SV2B: variants seen among roughly 807,000 people sequenced by gnomAD.
SV2B encodes synaptic vesicle glycoprotein 2B.
Under a neutral mutation model 73.9 loss-of-function variants are expected in SV2B, and 41 were observed. That is an observed-to-expected ratio of 0.56 (90% CI 0.43 to 0.72). The LOEUF is 0.72. Among genes scored for constraint, SV2B ranks in the 30% least tolerant of loss-of-function variants. SV2B has a pLI of 0.00. For synonymous variants in SV2B, 314 were observed against 314.2 expected, an observed-to-expected ratio of 1.00 and a Z score of 0.01; for missense variants, 764 against 857.8, an observed-to-expected ratio of 0.89 and a Z score of 1.37.
In SV2B at chr15:91,258,540, A is replaced by G. The variant is rs745467646; in HGVS notation, c.904A>G (p.Arg302Gly). 2.5e-6 allele frequency: 4 copies of G among 1,613,912 alleles called. No homozygotes were observed. Among genetic ancestry groups the G allele is most frequent in the South Asian group, 1.1e-5 (1 of 91,062 alleles). ...CCTGAAGTTCATGCCAGAGAGCCCA[A>G]GGTTTCTGCTAGAGGTGAGTCAGTG... The part of the protein sequence containing the change: ...VALKFMPESP[R>G]FLLEMGKHDE... The change falls in exon 5 of 13, where the codon AGG (arginine) becomes GGG (glycine). Residue 302 changes from arginine (R) to glycine (G), a missense_variant. Coordinates refer to ENST00000394232, the MANE Select transcript of SV2B (RefSeq NM_001323032.3). This position sits in a 1 kb window ranked among gnomAD's most constrained non-coding sequence, Gnocchi z 4.7.
chr15:91,164,588 C>T (rs1350779845), intron 1 of SV2B, among the ~76,000 whole-genome samples: 6 of 152,160 alleles, frequency 3.9e-5, no homozygotes, highest in Non-Finnish European at 5.9e-5. Flanking sequence ...TTTACATTAA[C>T]ATCTGGATTC....
chr15:91,297,661 A>G lies in SV2B; in HGVS notation c.*5109A>G, dbSNP rs942589646. 6 of 152,218 alleles carry G rather than the reference A, an allele frequency of 3.9e-5. No homozygotes were observed. Among genetic ancestry groups the G allele is most frequent in the African/African-American group, 1.4e-4 (6 of 41,454 alleles). 9.4% of individuals were successfully genotyped at this position (152,218 alleles called of 1,614,324 possible). On this transcript the variant is annotated 3_prime_UTR_variant, in exon 13 of 13. Coordinates refer to ENST00000394232, the MANE Select transcript of SV2B (RefSeq NM_001323032.3). The surrounding 1 kb of genome is among the most constrained non-coding windows in gnomAD (Gnocchi z 5.1). The stretch of plus-strand genomic sequence containing the variant: ...TACTTTGACTTGTCAGGGAAGTTCT[A>G]TTGCTCTGATAACTTAAAACCAACC...
At chr15:91,259,551 G>A (rs557057743) in intron 5 of SV2B, among the ~76,000 whole-genome samples, 27 of 152,296 alleles carry the variant, frequency 1.8e-4, no homozygotes, top group African/African-American at 6.5e-4. Context: ...GCCACAAACC[G>A]AGTGACTTAA....
In SV2B at chr15:91,240,964, C is replaced by T. The variant is rs1203053825; in HGVS notation, c.452-10855C>T. On this transcript the variant is annotated intron_variant, in intron 2 of 12. Coordinates refer to ENST00000394232, the MANE Select transcript of SV2B (RefSeq NM_001323032.3). The surrounding 1 kb of genome is among the most constrained non-coding windows in gnomAD (Gnocchi z 4.6). Reference sequence around the variant, plus strand: ...TCTCCTCACTAAAAGATCTCATATTCGAATCTCTTGTCATCAGAGAGCATC... The same window carrying T: ...TCTCCTCACTAAAAGATCTCATATTTGAATCTCTTGTCATCAGAGAGCATC... 2.0e-5 allele frequency among the ~76,000 whole-genome samples: 3 copies of T among 152,108 alleles called. No individual in the cohort carries two copies. Among genetic ancestry groups the T allele is most frequent in the Non-Finnish European group, 4.4e-5 (3 of 68,028 alleles).
intron 1 of SV2B, among the ~76,000 whole-genome samples, chr15:91,209,107 GTTTTTTGT>G (rs1319572346): frequency 2.2e-4 from 27 of 121,966 alleles, no homozygotes; most frequent in African/African-American, 8.4e-4. Flanking sequence ...TGGCAGTACT[GTTTTTTGT>G]TTTTTTTTTT....
rs568212756 is a variant in SV2B, at chr15:91,199,885, G to A, written c.-391-25988G>A. ...GCAGCGTGGCCACCTGGCTAGTTAA[G>A]TGCACTTCCCACAGCCTGGGGGCTG... is the stretch of plus-strand genomic sequence containing the variant. On this transcript the variant is annotated intron_variant, in intron 1 of 12. Transcript: ENST00000394232. Among the ~76,000 whole-genome samples the A allele has an allele frequency of 1.2e-4, 19 of 152,322 alleles. No individual in the cohort carries two copies. In the East Asian group the frequency reaches 1.5e-3, roughly 12 times the overall value.
Position 91,225,984 on chromosome 15 carries a change from G to A in SV2B, c.-280G>A, listed in dbSNP as rs188959366. 126 of 443,214 alleles carry A rather than the reference G, an allele frequency of 2.8e-4. 1 individual carries two copies. The highest frequency in any genetic ancestry group is 2.2e-3 in the African/African-American group (109 of 49,136). The allele number at this position is 443,214 out of a possible 1,614,324, so 27.5% of individuals were successfully genotyped here. A position where few individuals can be genotyped will look rare whatever the true frequency, so the allele number is the denominator to read the frequency against. ...CCATTTCTAATCAACACTTCCCAAC[G>A]CAACACTTCTGAGTCTCTGAAGGAG... On this transcript the variant is annotated 5_prime_UTR_variant, in exon 2 of 13. Transcript: ENST00000394232.
At chr15:91,185,904 C>G (rs2044751924) in intron 1 of SV2B, among the ~76,000 whole-genome samples, 1 of 152,204 alleles carries the variant, frequency 6.6e-6, no homozygotes, top group South Asian at 2.1e-4. Context: ...GAGGCTAACA[C>G]TGGTTTTATC....
At chr15:91,206,674 A>C (rs898699357) in intron 1 of SV2B, among the ~76,000 whole-genome samples, 9 of 152,206 alleles carry the variant, frequency 5.9e-5, no homozygotes, top group African/African-American at 2.2e-4. Context: ...GTGGGTGTCC[A>C]TTAAAAGGAT....
chr15:91,227,374 C>A lies in SV2B; in HGVS notation c.451+660C>A, dbSNP rs2046418959. The stretch of plus-strand genomic sequence containing the variant: ...ATCAGAGCCAAGCATCAGCATCAGG[C>A]TGAGGCAGAGAGGATTTGTGAAATT... On this transcript the variant is annotated intron_variant, in intron 2 of 12. Transcript: ENST00000394232. The surrounding 1 kb of genome is among the most constrained non-coding windows in gnomAD (Gnocchi z 4.5). Among the ~76,000 whole-genome samples, 1 of 152,172 alleles carries A rather than the reference C, an allele frequency of 6.6e-6. No homozygotes were observed. Among genetic ancestry groups the A allele is most frequent in the Non-Finnish European group, 1.5e-5 (1 of 68,026 alleles).
intron 11 of SV2B, among the ~76,000 whole-genome samples, chr15:91,285,507 G>A (rs2048830891): frequency 6.6e-6 from 1 of 152,230 alleles, no homozygotes; most frequent in Non-Finnish European, 1.5e-5. Context: ...CAAGCTTTCA[G>A]CAGAAGACAC....
chr15:91,217,007 C>T (rs2046054418), intron 1 of SV2B, among the ~76,000 whole-genome samples: 1 of 151,614 alleles, frequency 6.6e-6, no homozygotes, highest in South Asian at 2.1e-4. Context: ...CCTGCCTCAG[C>T]ATCCTGAATA....
rs1020878978 is a variant in SV2B, at chr15:91,227,578, A to C, written c.451+864A>C. ...AGAACTAACTATAAGTCAAATTCTC[A>C]TTCAAGACCAGGACATGCTTATGAC... On this transcript the variant is annotated intron_variant, in intron 2 of 12. Transcript: ENST00000394232. This position sits in a 1 kb window ranked among gnomAD's most constrained non-coding sequence, Gnocchi z 4.5. 6.6e-6 allele frequency among the ~76,000 whole-genome samples: 1 copy of C among 152,250 alleles called. No homozygotes were observed. Among genetic ancestry groups the C allele is most frequent in the African/African-American group, 2.4e-5 (1 of 41,468 alleles).
In SV2B at chr15:91,132,953, A is replaced by T. The variant is rs115393091; in HGVS notation, c.-392+32590A>T. Among the ~76,000 whole-genome samples the T allele has an allele frequency of 8.9e-3, 1,354 of 152,370 alleles. 15 individuals carry two copies. The highest frequency in any genetic ancestry group is 0.031 in the African/African-American group (1,294 of 41,582). On this transcript the variant is annotated intron_variant, in intron 1 of 12. Coordinates refer to ENST00000394232, the MANE Select transcript of SV2B (RefSeq NM_001323032.3). This position sits in a 1 kb window ranked among gnomAD's most constrained non-coding sequence, Gnocchi z 4.6. Reference sequence around the variant, plus strand: ...AGGCCAGTGCATAATAAGGGCTAAAAGACTAAAGACTATTGGGCATCTGTT... The same window carrying T: ...AGGCCAGTGCATAATAAGGGCTAAATGACTAAAGACTATTGGGCATCTGTT...
At chr15:91,185,334 T>C (rs12912255) in intron 1 of SV2B, among the ~76,000 whole-genome samples, 47,673 of 152,168 alleles carry the variant, frequency 0.31, 8,293 homozygotes, top group East Asian at 0.72. Context: ...TTTTTGTGCT[T>C]CCTTTTGTAT....
intron 1 of SV2B, among the ~76,000 whole-genome samples, chr15:91,216,558 C>T (rs544207170): frequency 4.1e-4 from 61 of 150,344 alleles, no homozygotes; most frequent in African/African-American, 1.4e-3. Context: ...TGGCAACCTC[C>T]ACCTCCCAGG....
In SV2B at chr15:91,258,665, CA is replaced by C. The variant is rs2047792136; in HGVS notation, c.918+114del. On this transcript the variant is annotated intron_variant, in intron 5 of 12. Transcript: ENST00000394232. The surrounding 1 kb of genome is among the most constrained non-coding windows in gnomAD (Gnocchi z 4.7). ...CACATCCTCTGCTGCTTATGTGTTG[CA>C]AACTCTCCCCTGGTCGGCTGACCTC... 2.0e-6 allele frequency: 3 copies of C among 1,492,986 alleles called. No homozygotes were observed. Among genetic ancestry groups the C allele is most frequent in the Admixed American group, 2.0e-5 (1 of 49,124 alleles). The allele number at this position is 1,492,986 out of a possible 1,614,324, so 92.5% of individuals were successfully genotyped here. A position where few individuals can be genotyped will look rare whatever the true frequency, so the allele number is the denominator to read the frequency against.
rs1206789617 is a variant in SV2B at position 91,226,637 on chromosome 15, A to T, written c.374A>T (p.Glu125Val). The T allele has an allele frequency of 6.2e-7, 1 of 1,614,058 alleles. No individual in the cohort carries two copies. Among genetic ancestry groups the T allele is most frequent in the Non-Finnish European group, 8.5e-7 (1 of 1,180,012 alleles). ...LGLALMADGVEVFVVSFALPS... is the reference protein window; with the variant it reads ...LGLALMADGVVVFVVSFALPS... Reference sequence around the variant, plus strand: ...TTGGCCCTGATGGCCGATGGGGTGGAAGTGTTCGTGGTGAGTTTTGCCCTG... The same window carrying T: ...TTGGCCCTGATGGCCGATGGGGTGGTAGTGTTCGTGGTGAGTTTTGCCCTG... The change falls in exon 2 of 13, where the codon GAA becomes GTA. Residue 125 changes from glutamate (E) to valine (V), a missense_variant. Physicochemically the swap from Glu to Val is moderately radical, Grantham distance 121 (BLOSUM62 -2). Transcript: ENST00000394232.
intron 1 of SV2B, among the ~76,000 whole-genome samples, chr15:91,191,577 G>T (rs7167305): frequency 0.71 from 107,415 of 152,054 alleles, 39,204 homozygotes; most frequent in African/African-American, 0.89. Flanking sequence ...AAATCCCAAG[G>T]TGTCTCGCTG....
Sources: allele counts gnomAD v4.1 joint callset (sites outside exome capture counted in the v4.1 genomes callset), GRCh38; gene constraint gnomAD v4.1.1; non-coding constraint Gnocchi (gnomAD v3.1); transcripts MANE v1.5; gene names NCBI Gene and HGNC (gene_info 2026-07-23, HGNC 2026-07-21).